Variants in CACNA2D3 observed in about 807,000 individuals in gnomAD.
CACNA2D3 encodes the protein voltage-dependent calcium channel subunit alpha-2/delta-3.
CACNA2D3 carries 60 observed loss-of-function variants against 160.6 expected under a neutral mutation model. The ratio of observed to expected loss-of-function variants is 0.37; its 90% CI spans 0.30 to 0.46. The LOEUF is 0.46. Ranked by LOEUF, CACNA2D3 falls within the 20% of genes least tolerant of loss-of-function variation. CACNA2D3 has a pLI of 1.00. For missense variants in CACNA2D3, 1,205 were observed against 1,365.0 expected (o/e 0.88, Z 1.85); for synonymous variants, 558 against 492.9 (o/e 1.13, Z -1.75).
chr3:54,908,779 G>A (rs1344486350), intron 27 of CACNA2D3, among the ~76,000 whole-genome samples: 1 of 152,202 alleles, frequency 6.6e-6, no homozygotes, highest in African/African-American at 2.4e-5. Flanking sequence ...TGTAGAAAAA[G>A]TTGTATTGAA....
At chr3:54,868,327 C>G (rs1384604770) in intron 17 of CACNA2D3, among the ~76,000 whole-genome samples, 5 of 152,132 alleles carry the variant, frequency 3.3e-5, no homozygotes, top group Non-Finnish European at 7.4e-5. Flanking sequence ...GAAGGGCATT[C>G]TTAAACAGTG....
intron 13 of CACNA2D3, among the ~76,000 whole-genome samples, chr3:54,776,764 G>A (rs1702432827): frequency 6.6e-6 from 1 of 152,034 alleles, no homozygotes; most frequent in Non-Finnish European, 1.5e-5. Context: ...AAGCCCCAGT[G>A]GACCCAAGTG....
At chr3:54,771,276 T>A (rs1447559136) in intron 13 of CACNA2D3, among the ~76,000 whole-genome samples, 1 of 152,188 alleles carries the variant, frequency 6.6e-6, no homozygotes, top group East Asian at 1.9e-4. Flanking sequence ...GCTCTGCTAG[T>A]TCTCTACTGC....
chr3:54,600,355 T>A (rs2106771768), intron 9 of CACNA2D3, among the ~76,000 whole-genome samples: 1 of 152,328 alleles, frequency 6.6e-6, no homozygotes, highest in East Asian at 1.9e-4. Context: ...ACTGCCTCTT[T>A]CTTATCCTTA....
At chr3:54,316,491 C>T (rs1187045903) in intron 2 of CACNA2D3, among the ~76,000 whole-genome samples, 1 of 152,196 alleles carries the variant, frequency 6.6e-6, no homozygotes, top group Non-Finnish European at 1.5e-5. Flanking sequence ...TTATGAGATA[C>T]TTCCCCAGGA....
At chr3:54,531,246 T>G (rs999088595) in intron 5 of CACNA2D3, among the ~76,000 whole-genome samples, 3 of 152,236 alleles carry the variant, frequency 2.0e-5, no homozygotes, top group African/African-American at 4.8e-5. Context: ...TGATTGTAGA[T>G]TATCACGTCT....
chr3:54,863,418 C>A (rs1206656142), intron 17 of CACNA2D3, among the ~76,000 whole-genome samples: 1 of 152,180 alleles, frequency 6.6e-6, no homozygotes, highest in Non-Finnish European at 1.5e-5. Flanking sequence ...TCCCTCCCTG[C>A]TTTCAGAGTG....
intron 2 of CACNA2D3, among the ~76,000 whole-genome samples, chr3:54,281,561 G>C (rs1050635918): frequency 1.3e-5 from 2 of 152,150 alleles, no homozygotes; most frequent in Non-Finnish European, 2.9e-5. Context: ...TGCTGAGCGA[G>C]AGCTGTGCGA....
chr3:54,218,660 A>G (rs1701508608), intron 2 of CACNA2D3, among the ~76,000 whole-genome samples: 1 of 152,250 alleles, frequency 6.6e-6, no homozygotes, highest in Admixed American at 6.5e-5. Flanking sequence ...GCTTAAAGCA[A>G]CATGAATTTA....
At chr3:54,426,446 T>C (rs966401619) in intron 4 of CACNA2D3, among the ~76,000 whole-genome samples, 1 of 152,244 alleles carries the variant, frequency 6.6e-6, no homozygotes, top group African/African-American at 2.4e-5. Flanking sequence ...AGTGCTTTTG[T>C]TTCTCACATT....
chr3:54,253,498 AT>A (rs1451077344), intron 2 of CACNA2D3, among the ~76,000 whole-genome samples: 1 of 152,118 alleles, frequency 6.6e-6, no homozygotes, highest in East Asian at 1.9e-4. Context: ...AGAACTCACT[AT>A]TGCGAGAACA....
Position 54,605,869 on chromosome 3 carries a change from A to G in CACNA2D3, c.964-21918A>G, listed in dbSNP as rs184199173. Among the ~76,000 whole-genome samples the G allele has an allele frequency of 1.6e-4, 24 of 152,286 alleles. No homozygotes were observed. In the East Asian group the frequency reaches 4.6e-3, roughly 29 times the overall value. ...TAAATAATAATCTATAGGAGAAATC[A>G]TTTCATATGAATTTGATGATATTTG... On this transcript the variant is annotated intron_variant, in intron 9 of 37. Coordinates refer to ENST00000474759, the MANE Select transcript of CACNA2D3 (RefSeq NM_018398.3).
intron 2 of CACNA2D3, among the ~76,000 whole-genome samples, chr3:54,184,664 C>G (rs1013973308): frequency 2.6e-5 from 4 of 152,212 alleles, no homozygotes; most frequent in African/African-American, 9.6e-5. Flanking sequence ...GGGTTATTAT[C>G]ATACTCGATG....
At chr3:54,155,986 A>G (rs536705065) in intron 2 of CACNA2D3, among the ~76,000 whole-genome samples, 6 of 152,324 alleles carry the variant, frequency 3.9e-5, no homozygotes, top group Admixed American at 2.0e-4. Flanking sequence ...CAAACACGTT[A>G]TTCTCTTTAG....
intron 10 of CACNA2D3, 48 bp from the exon 11 acceptor site, chr3:54,642,080 C>T: frequency 3.2e-6 from 4 of 1,241,748 alleles, no homozygotes; most frequent in Non-Finnish European, 4.5e-6. Context: ...CACTGATACA[C>T]AGAATTCTCT....
Position 54,223,322 on chromosome 3 carries a change from A to G in CACNA2D3, c.205-97120A>G, listed in dbSNP as rs552266125. Among the ~76,000 whole-genome samples the G allele has an allele frequency of 7.9e-5, 12 of 152,330 alleles. No homozygotes were observed. The South Asian group carries it at 2.3e-3, about 29-fold the overall frequency. On this transcript the variant is annotated intron_variant, in intron 2 of 37. Transcript: ENST00000474759. ...CCTGTATAGCACGTTACTGTATTGA[A>G]TATTGTAGGCAGTTGTAACACGATG... is the stretch of plus-strand genomic sequence containing the variant.
intron 9 of CACNA2D3, among the ~76,000 whole-genome samples, chr3:54,603,518 C>A (rs1273839804): frequency 1.3e-5 from 2 of 152,218 alleles, no homozygotes; most frequent in Non-Finnish European, 2.9e-5. Flanking sequence ...TTCTTGAAGG[C>A]AGGATCTATC....
chr3:55,009,650 C>T (rs754541829), intron 34 of CACNA2D3, among the ~76,000 whole-genome samples: 26 of 152,150 alleles, frequency 1.7e-4, no homozygotes, highest in African/African-American at 9.7e-5. Flanking sequence ...ATTCAGCCCA[C>T]GTTGAATGTA....
rs1408266763 is a variant in CACNA2D3 at position 54,637,222 on chromosome 3, C to T, written c.1054-4906C>T. ...GCTTTAACCTTTTTAAAGTGTGCTG[C>T]GGGATGGGATATTGGCGTTGAGTAG... On this transcript the variant is annotated intron_variant, in intron 10 of 37. Coordinates refer to ENST00000474759, the MANE Select transcript of CACNA2D3 (RefSeq NM_018398.3). 7.3e-5 allele frequency among the ~76,000 whole-genome samples: 11 copies of T among 151,624 alleles called. No homozygotes were observed. The South Asian group carries it at 8.3e-4, about 11-fold the overall frequency.
Sources: allele counts gnomAD v4.1 joint callset (sites outside exome capture counted in the v4.1 genomes callset), GRCh38; gene constraint gnomAD v4.1.1; transcripts MANE v1.5; gene names NCBI Gene and HGNC (gene_info 2026-07-23, HGNC 2026-07-21).